The following ABCA13 variants were observed in gnomAD, a reference collection of about 807,000 sequenced individuals.
The protein encoded by ABCA13 is ATP binding cassette subfamily A member 13, also known as ATP-binding cassette sub-family A member 13.
ABCA13 carries 476 observed loss-of-function variants against 478.7 expected under a neutral mutation model. The ratio of observed to expected loss-of-function variants is 0.99; its 90% confidence interval spans 0.92 to 1.07. The LOEUF is 1.07. Ranked by LOEUF, ABCA13 falls within the 50% of genes least tolerant of loss-of-function variation. ABCA13 has a pLI of 0.00. For missense variants in ABCA13, 6,060 were observed against 5,910.6 expected, an observed-to-expected ratio of 1.03 and a Z score of -0.83; for synonymous variants, 2,252 against 2,158.9, an observed-to-expected ratio of 1.04 and a Z score of -1.20.
chr7:48,183,179 C>A (rs1443162244), intron 1 of ABCA13, among the ~76,000 whole-genome samples: 1 of 152,094 alleles, frequency 6.6e-6, no homozygotes, highest in Non-Finnish European at 1.5e-5. Flanking sequence ...TTGAAAGGCT[C>A]TCTTTCTTTC....
intron 42 of ABCA13, among the ~76,000 whole-genome samples, chr7:48,440,666 G>A (rs77090657): frequency 0.014 from 2,175 of 151,718 alleles, 47 homozygotes; most frequent in African/African-American, 0.05. Context: ...TTTTGTTATC[G>A]TGAGAAGTTA....
chr7:48,278,158 C>G lies in ABCA13; in HGVS notation c.6964C>G (p.Gln2322Glu), dbSNP rs751668082. 1 of 1,536,708 alleles carries G rather than the reference C, an allele frequency of 6.5e-7. No individual in the cohort carries two copies. Among genetic ancestry groups the G allele is most frequent in the South Asian group, 1.3e-5 (1 of 78,826 alleles). Residue 2322 changes from glutamine (Q) to glutamate (E), a missense_variant, in exon 18 of 62, where the codon CAA becomes GAA. Coordinates refer to ENST00000435803, the MANE Select transcript of ABCA13 (RefSeq NM_152701.5). ...KLDQFLTLMI[Q>E]DRLMNIFSSL... ...GGATCAATTTCTTACCCTGATGATACAAGACAGATTGATGAACATTTTTTC... is the reference window on the plus strand; with the variant it reads ...GGATCAATTTCTTACCCTGATGATAGAAGACAGATTGATGAACATTTTTTC...
At chr7:48,479,840 T>C (rs2130513120) in intron 45 of ABCA13, among the ~76,000 whole-genome samples, 1 of 152,372 alleles carries the variant, frequency 6.6e-6, no homozygotes, top group South Asian at 2.1e-4. Context: ...CCCTTCTTAC[T>C]TTGCTGTAGT....
At chr7:48,326,312 T>G (rs1425761633) in intron 27 of ABCA13, among the ~76,000 whole-genome samples, 2 of 152,218 alleles carry the variant, frequency 1.3e-5, no homozygotes, top group African/African-American at 4.8e-5. Context: ...CCCAACTTTA[T>G]TATTGCAGAA....
intron 20 of ABCA13, among the ~76,000 whole-genome samples, chr7:48,292,088 C>T (rs193112495): frequency 6.6e-6 from 1 of 152,282 alleles, no homozygotes; most frequent in African/African-American, 2.4e-5. Flanking sequence ...CTGACAACTT[C>T]CAAATTTCCT....
intron 55 of ABCA13, among the ~76,000 whole-genome samples, chr7:48,549,528 G>A (rs575302073): frequency 7.2e-5 from 11 of 151,860 alleles, no homozygotes; most frequent in South Asian, 4.2e-4. Context: ...ATAAACATAC[G>A]TGTGCATGTG....
chr7:48,463,508 C>T (rs371737603), intron 43 of ABCA13, among the ~76,000 whole-genome samples: 3 of 152,164 alleles, frequency 2.0e-5, no homozygotes, highest in East Asian at 3.9e-4. Context: ...CTGAGGGCCA[C>T]ACCTCCCAGG....
In ABCA13 at chr7:48,236,820, A is replaced by T. The variant is rs138928075; in HGVS notation, c.898-2421A>T. Among the ~76,000 whole-genome samples the T allele has an allele frequency of 2.0e-5, 3 of 152,214 alleles. No individual in the cohort carries two copies. In the East Asian group the frequency reaches 5.8e-4, roughly 29 times the overall value. ...GATTGGGACATGGACATCTTGGGGG[A>T]ACATTGCCTGCTTCCCACCCTTCGT... On this transcript the variant is annotated intron_variant, in intron 8 of 61. Transcript: ENST00000435803.
At chr7:48,403,917 A>G (rs1817936928) in intron 39 of ABCA13, 38 bp downstream of exon 39, 2 of 1,587,364 alleles carry the variant, frequency 1.3e-6, no homozygotes, top group Non-Finnish European at 1.7e-6. Context: ...TCTTCCCACA[A>G]TATTGTGTTG....
At position 48,467,085 on chromosome 7, in the gene ABCA13, A is replaced by G. The variant is rs201242702; in HGVS notation, c.12905+40A>G. 43 of 1,549,792 alleles carry G rather than the reference A, an allele frequency of 2.8e-5. 1 individual carries two copies. In the African/African-American group the frequency reaches 4.8e-4, roughly 17 times the overall value. On this transcript the variant is annotated intron_variant, in intron 44 of 61. Transcript: ENST00000435803. The stretch of plus-strand genomic sequence containing the variant: ...CTCTCTGCAAAAGTGAACACTCCCA[A>G]CTGGTAATATTGTAGCCTGGGAGGA...
chr7:48,387,676 C>A (rs575997476), intron 35 of ABCA13, 146 bp from the exon 36 acceptor site: 18 of 708,342 alleles, frequency 2.5e-5, no homozygotes, highest in Admixed American at 1.0e-4. Context: ...AATAGCTGTG[C>A]CCTGGGATAT....
In ABCA13 at chr7:48,275,075, A is replaced by G; in HGVS notation, c.5409A>G (p.Glu1803=). ...TAAAAATTCTTTTGGATACAATTGAATTAGTATCAGATAAGCCAGATATTA... is the reference window on the plus strand; with the variant it reads ...TAAAAATTCTTTTGGATACAATTGAGTTAGTATCAGATAAGCCAGATATTA... The part of the protein sequence containing the change: ...IVIKILLDTI[E]LVSDKPDIIS... Residue 1803 remains glutamate, a synonymous_variant, in exon 17 of 62, where the codon GAA becomes GAG. Coordinates refer to ENST00000435803, the MANE Select transcript of ABCA13 (RefSeq NM_152701.5). 3.1e-6 allele frequency: 5 copies of G among 1,613,410 alleles called. No homozygotes were observed. The highest frequency in any genetic ancestry group is 4.2e-6 in the Non-Finnish European group (5 of 1,179,560).
At chr7:48,299,922 G>A (rs1584722202) in intron 23 of ABCA13, among the ~76,000 whole-genome samples, 1 of 152,128 alleles carries the variant, frequency 6.6e-6, no homozygotes, top group Admixed American at 6.5e-5. Flanking sequence ...CATTATGATC[G>A]CCTAAACAGC....
At chr7:48,445,405 C>T (rs2129174059) in intron 42 of ABCA13, among the ~76,000 whole-genome samples, 1 of 152,268 alleles carries the variant, frequency 6.6e-6, no homozygotes, top group South Asian at 2.1e-4. Context: ...TGCTCATGGA[C>T]TCCTAAGATG....
intron 34 of ABCA13, among the ~76,000 whole-genome samples, chr7:48,374,617 G>A (rs1025015907): frequency 2.0e-5 from 3 of 152,118 alleles, no homozygotes; most frequent in Non-Finnish European, 4.4e-5. Context: ...GAATAATCAT[G>A]GCATCCCTTG....
chr7:48,236,775 A>G (rs1790016683), intron 8 of ABCA13, among the ~76,000 whole-genome samples: 1 of 152,134 alleles, frequency 6.6e-6, no homozygotes, highest in Admixed American at 6.5e-5. Context: ...ATACAACATA[A>G]CATATTCATG....
chr7:48,570,581 C>A (rs1787538722), intron 55 of ABCA13, among the ~76,000 whole-genome samples: 2 of 151,904 alleles, frequency 1.3e-5, no homozygotes, highest in Admixed American at 6.6e-5. Context: ...CCTCGGCCTC[C>A]CAAAGTGCTG....
At chr7:48,173,424 G>C (rs1033001512) in intron 1 of ABCA13, among the ~76,000 whole-genome samples, 1 of 152,264 alleles carries the variant, frequency 6.6e-6, no homozygotes, top group Non-Finnish European at 1.5e-5. Flanking sequence ...ATAAGTAAAA[G>C]AAGGAAGGAA....
chr7:48,433,447 T>A (rs35479705), intron 42 of ABCA13, among the ~76,000 whole-genome samples: 23,819 of 148,284 alleles, frequency 0.16, 2,324 homozygotes, highest in East Asian at 0.23. Flanking sequence ...ATGATAAATA[T>A]ATAATATAAG....
Sources: allele counts gnomAD v4.1 joint callset (sites outside exome capture counted in the v4.1 genomes callset), GRCh38; gene constraint gnomAD v4.1.1; transcripts MANE v1.5; gene names NCBI Gene and HGNC (gene_info 2026-07-23, HGNC 2026-07-21).